The following ADAM22 variants were observed in gnomAD, a reference collection of about 807,000 sequenced individuals.
ADAM22 encodes the protein ADAM metallopeptidase domain 22, also known as disintegrin and metalloproteinase domain-containing protein 22.
ADAM22 carries 65 observed loss-of-function variants against 144.6 expected under a neutral mutation model. That is an observed-to-expected ratio of 0.45 (90% confidence interval 0.37 to 0.55). ADAM22 has a LOEUF of 0.55. ADAM22 is among the 20% of genes least tolerant of loss of function. The pLI is 0.00. For missense variants in ADAM22, 974 were observed against 1,184.9 expected (o/e 0.82, Z 2.61); for synonymous variants, 391 against 412.6 (o/e 0.95, Z 0.63).
intron 3 of ADAM22, among the ~76,000 whole-genome samples, chr7:88,041,682 A>C (rs1585197041): frequency 2.0e-5 from 3 of 152,006 alleles, no homozygotes; most frequent in African/African-American, 4.8e-5. Flanking sequence ...ACAATTTAAC[A>C]TGCTTTTTTC....
At chr7:88,023,050 A>G (rs1027331237) in intron 3 of ADAM22, among the ~76,000 whole-genome samples, 1 of 152,196 alleles carries the variant, frequency 6.6e-6, no homozygotes, top group African/African-American at 2.4e-5. Flanking sequence ...GTTTATAAGT[A>G]TCTGAAACCT....
chr7:88,065,070 A>C (rs895516576), intron 3 of ADAM22, among the ~76,000 whole-genome samples: 1 of 152,176 alleles, frequency 6.6e-6, no homozygotes, highest in East Asian at 1.9e-4. Flanking sequence ...AAATTTTGTG[A>C]TAAGTACCCA....
In ADAM22 at chr7:87,973,494, T is replaced by G. The variant is rs1248127380; in HGVS notation, c.247-4842T>G. The stretch of plus-strand genomic sequence containing the variant: ...AACACTTTTACACTGTTGGTGGGAC[T>G]GTAAACTAGTTCAACCATTGTGGAA... On this transcript the variant is annotated intron_variant, in intron 2 of 31. Transcript: ENST00000413139. Among the ~76,000 whole-genome samples the G allele has an allele frequency of 2.4e-4, 36 of 152,184 alleles. No homozygotes were observed. In the East Asian group the frequency reaches 6.8e-3, roughly 29 times the overall value.
intron 28 of ADAM22, 40 bp from the exon 29 acceptor site, chr7:88,181,918 T>C (rs1563412265): frequency 6.3e-7 from 1 of 1,575,892 alleles, no homozygotes; most frequent in Non-Finnish European, 8.7e-7. Context: ...GGGCAATCAC[T>C]TATTTACATG....
intron 5 of ADAM22, among the ~76,000 whole-genome samples, chr7:88,108,509 A>G (rs1219470466): frequency 6.6e-6 from 1 of 151,914 alleles, no homozygotes; most frequent in Non-Finnish European, 1.5e-5. Flanking sequence ...CAGGCAGATC[A>G]CCTGAGGTCA....
At chr7:88,070,807 G>A (rs1392980658) in intron 3 of ADAM22, among the ~76,000 whole-genome samples, 1 of 152,154 alleles carries the variant, frequency 6.6e-6, no homozygotes, top group Non-Finnish European at 1.5e-5. Context: ...AGGGGTGCTG[G>A]TAGATTGGAA....
intron 2 of ADAM22, among the ~76,000 whole-genome samples, chr7:87,957,705 C>G (rs995729773): frequency 1.3e-5 from 2 of 152,132 alleles, no homozygotes; most frequent in African/African-American, 4.8e-5. Flanking sequence ...CTCTCAGCCT[C>G]CCGAGTAGCT....
chr7:88,135,319 A>C (rs574857918), intron 13 of ADAM22, among the ~76,000 whole-genome samples: 1 of 150,370 alleles, frequency 6.7e-6, no homozygotes, highest in Non-Finnish European at 1.5e-5. Context: ...TACCATGTAT[A>C]GAGTACCTAT....
intron 20 of ADAM22, 152 bp from the exon 21 acceptor site, chr7:88,153,069 G>T (rs1004017099): frequency 9.1e-6 from 5 of 550,544 alleles, no homozygotes; most frequent in Non-Finnish European, 1.6e-5. Context: ...ATGATCCATG[G>T]TAAAACTGTG....
intron 2 of ADAM22, among the ~76,000 whole-genome samples, chr7:87,956,320 T>G (rs765395782): frequency 8.5e-5 from 13 of 152,178 alleles, no homozygotes; most frequent in Non-Finnish European, 1.6e-4. Context: ...TGAGGACTTG[T>G]GGTGGAGAGG....
chr7:88,121,171 T>A (rs1314757839), intron 7 of ADAM22, among the ~76,000 whole-genome samples: 1 of 152,160 alleles, frequency 6.6e-6, no homozygotes, highest in Non-Finnish European at 1.5e-5. Flanking sequence ...TGAAATCAAA[T>A]AACGTAAATC....
At chr7:87,984,019 T>C (rs2129450085) in intron 3 of ADAM22, among the ~76,000 whole-genome samples, 1 of 152,336 alleles carries the variant, frequency 6.6e-6, no homozygotes. Flanking sequence ...GATAATAAAC[T>C]TGACTTTGTC....
intron 7 of ADAM22, among the ~76,000 whole-genome samples, chr7:88,118,406 A>G (rs1397641406): frequency 6.6e-6 from 1 of 152,156 alleles, no homozygotes; most frequent in African/African-American, 2.4e-5. Flanking sequence ...TCAAATGGGA[A>G]TATAGATGCT....
chr7:87,982,092 C>T (rs1853671926), intron 3 of ADAM22, among the ~76,000 whole-genome samples: 1 of 150,058 alleles, frequency 6.7e-6, no homozygotes, highest in Non-Finnish European at 1.5e-5. Flanking sequence ...CACACACACA[C>T]ACACACACAC....
intron 2 of ADAM22, among the ~76,000 whole-genome samples, chr7:87,939,192 C>T (rs965435395): frequency 1.3e-5 from 2 of 151,928 alleles, no homozygotes; most frequent in African/African-American, 4.8e-5. Context: ...CTGGGGAAGC[C>T]GTGTTTCAAG....
chr7:87,958,392 A>AT (rs973200369), intron 2 of ADAM22, among the ~76,000 whole-genome samples: 21 of 147,908 alleles, frequency 1.4e-4, no homozygotes, highest in African/African-American at 3.0e-4. Context: ...TTTATTTTTT[A>AT]TTTTTTTTTT....
intron 3 of ADAM22, among the ~76,000 whole-genome samples, chr7:88,069,044 G>C (rs77047093): frequency 6.6e-6 from 1 of 152,002 alleles, no homozygotes; most frequent in African/African-American, 2.4e-5. Flanking sequence ...CCTGGGATTG[G>C]TGCCTTATTA....
intron 21 of ADAM22, among the ~76,000 whole-genome samples, chr7:88,155,504 A>G (rs1839682441): frequency 6.6e-6 from 1 of 151,518 alleles, no homozygotes; most frequent in African/African-American, 2.4e-5. Context: ...CTTGGACAAC[A>G]GAGTAAGACC....
intron 2 of ADAM22, among the ~76,000 whole-genome samples, chr7:87,935,866 A>T (rs1841129214): frequency 6.6e-6 from 1 of 152,230 alleles, no homozygotes; most frequent in Non-Finnish European, 1.5e-5. Flanking sequence ...TTAAATCAAG[A>T]TCACACATTC....
Sources: allele counts gnomAD v4.1 joint callset (sites outside exome capture counted in the v4.1 genomes callset), GRCh38; gene constraint gnomAD v4.1.1; transcripts MANE v1.5; gene names NCBI Gene and HGNC (gene_info 2026-07-23, HGNC 2026-07-21).